Variants in FSTL5 observed in about 807,000 individuals in gnomAD.
FSTL5 encodes the protein follistatin-related protein 5.
FSTL5 carries 62 observed loss-of-function variants against 89.1 expected under a neutral mutation model. The ratio of observed to expected loss-of-function variants is 0.70; its 90% confidence interval spans 0.57 to 0.86. The LOEUF (loss-of-function observed/expected upper bound fraction) is 0.86, where lower values mean the gene tolerates loss of function less well. Ranked by LOEUF, FSTL5 falls within the 40% of genes least tolerant of loss-of-function variation. The pLI is 0.00. For missense variants in FSTL5, 1,057 were observed against 1,001.6 expected (o/e 1.06, Z -0.75); for synonymous variants, 383 against 346.2 (o/e 1.11, Z -1.18).
intron 12 of FSTL5, among the ~76,000 whole-genome samples, chr4:161,488,454 G>A (rs1729752284): frequency 6.6e-6 from 1 of 151,940 alleles, no homozygotes; most frequent in Non-Finnish European, 1.5e-5. Flanking sequence ...CAAAGCTTAT[G>A]ACACTATGCT....
intron 8 of FSTL5, among the ~76,000 whole-genome samples, chr4:161,586,573 C>A (rs1427944489): frequency 6.6e-6 from 1 of 152,140 alleles, no homozygotes; most frequent in East Asian, 1.9e-4. Flanking sequence ...TTTAAGCTAC[C>A]ACTATCTCTT....
At chr4:161,954,857 T>C (rs537557766) in intron 3 of FSTL5, among the ~76,000 whole-genome samples, 2 of 151,696 alleles carry the variant, frequency 1.3e-5, no homozygotes, top group East Asian at 3.9e-4. Flanking sequence ...TCATAATAAA[T>C]TCAGATAATG....
chr4:161,529,684 T>C (rs1731345847), intron 10 of FSTL5, among the ~76,000 whole-genome samples: 1 of 142,304 alleles, frequency 7.0e-6, no homozygotes, highest in Non-Finnish European at 1.5e-5. Flanking sequence ...CATTGATTTA[T>C]TTTTTCCATA....
chr4:161,983,205 G>A (rs1217056421), intron 3 of FSTL5, among the ~76,000 whole-genome samples: 1 of 152,158 alleles, frequency 6.6e-6, no homozygotes. Context: ...ACATTAGAAA[G>A]TGATAGAATA....
chr4:161,870,491 C>G (rs1732230616), intron 4 of FSTL5, among the ~76,000 whole-genome samples: 1 of 152,050 alleles, frequency 6.6e-6, no homozygotes. Flanking sequence ...TTGACCCTGT[C>G]TATTTTATAT....
intron 15 of FSTL5, among the ~76,000 whole-genome samples, chr4:161,446,403 T>G (rs1732948033): frequency 6.6e-6 from 1 of 152,088 alleles, no homozygotes; most frequent in South Asian, 2.1e-4. Flanking sequence ...AGTAGAATGC[T>G]TTCAGAGTTT....
In FSTL5 at chr4:161,628,290, T is replaced by A. The variant is rs1002911315; in HGVS notation, c.894+28038A>T. On this transcript the variant is annotated intron_variant, in intron 7 of 15. Transcript: ENST00000306100. ...ATTGAAAAATCTATAATCTCTATAT[T>A]TTTACTTGTGTAGATTATTCTAGTT... Among the ~76,000 whole-genome samples the A allele has an allele frequency of 1.9e-4, 29 of 152,268 alleles. 1 individual carries two copies. The highest frequency in any genetic ancestry group is 3.7e-4 in the Non-Finnish European group (25 of 68,006).
chr4:162,077,518 A>C (rs1005096181), intron 2 of FSTL5, among the ~76,000 whole-genome samples: 21 of 151,958 alleles, frequency 1.4e-4, no homozygotes, highest in Non-Finnish European at 2.8e-4. Context: ...CTTACTCCTC[A>C]GTGTCAGATC....
chr4:161,952,968 A>G (rs1737207166), intron 3 of FSTL5, among the ~76,000 whole-genome samples: 1 of 151,792 alleles, frequency 6.6e-6, no homozygotes, highest in South Asian at 2.1e-4. Flanking sequence ...ATTAAATTAT[A>G]TGATCATTTA....
chr4:161,621,077 A>G (rs1735103816), intron 7 of FSTL5, among the ~76,000 whole-genome samples: 2 of 152,314 alleles, frequency 1.3e-5, no homozygotes, highest in South Asian at 2.1e-4. Context: ...TGGAGAAAAC[A>G]TACTCTTGCA....
In FSTL5 at chr4:161,557,732, T is replaced by C. The variant is rs1732440991; in HGVS notation, c.1016-15039A>G. On this transcript the variant is annotated intron_variant, in intron 8 of 15. Transcript: ENST00000306100. ...TTATCATACTATCATACTGTGAAATTTTATTAAACAACAAAAAAGAATGAG... is the reference window on the plus strand; with the variant it reads ...TTATCATACTATCATACTGTGAAATCTTATTAAACAACAAAAAAGAATGAG... Among the ~76,000 whole-genome samples the C allele has an allele frequency of 2.0e-5, 3 of 151,726 alleles. No homozygotes were observed. The South Asian group carries it at 6.2e-4, about 31-fold the overall frequency.
At chr4:161,438,409 A>T (rs973934590) in intron 15 of FSTL5, among the ~76,000 whole-genome samples, 1 of 152,126 alleles carries the variant, frequency 6.6e-6, no homozygotes, top group African/African-American at 2.4e-5. Context: ...AGCTCATTGT[A>T]CTAGATGCAC....
chr4:161,398,992 TA>T (rs1017537896), intron 15 of FSTL5, among the ~76,000 whole-genome samples: 1 of 152,044 alleles, frequency 6.6e-6, no homozygotes, highest in Admixed American at 6.6e-5. Flanking sequence ...GAATACACGT[TA>T]AAAAATGTTT....
At chr4:161,511,738 A>C (rs569044025) in intron 10 of FSTL5, among the ~76,000 whole-genome samples, 1 of 152,144 alleles carries the variant, frequency 6.6e-6, no homozygotes, top group Non-Finnish European at 1.5e-5. Context: ...ATAGGAGGAA[A>C]GAGAACATTG....
intron 4 of FSTL5, among the ~76,000 whole-genome samples, chr4:161,837,894 T>C (rs1450028835): frequency 6.6e-6 from 1 of 152,146 alleles, no homozygotes; most frequent in Non-Finnish European, 1.5e-5. Context: ...ATAAAATATA[T>C]ATACTTGACT....
chr4:161,492,807 C>T (rs373377122), intron 12 of FSTL5, among the ~76,000 whole-genome samples: 6 of 151,938 alleles, frequency 3.9e-5, no homozygotes, highest in East Asian at 3.9e-4. Flanking sequence ...ATAATTCTTT[C>T]TTAATTTCCA....
chr4:161,921,483 A>C (rs905241075), intron 3 of FSTL5, among the ~76,000 whole-genome samples: 7 of 152,112 alleles, frequency 4.6e-5, no homozygotes, highest in African/African-American at 1.7e-4. Context: ...AATGGCAGTA[A>C]ATTGAATATA....
In FSTL5 at chr4:161,973,120, C is replaced by T. The variant is rs532950145; in HGVS notation, c.161-52468G>A. On this transcript the variant is annotated intron_variant, in intron 3 of 15. Coordinates refer to ENST00000306100, the MANE Select transcript of FSTL5 (RefSeq NM_020116.5). ...TGTTTTTCTTCAGATTCCCTTATTACTTATGAAATCACTATTTGATGATGA... is the reference window on the plus strand; with the variant it reads ...TGTTTTTCTTCAGATTCCCTTATTATTTATGAAATCACTATTTGATGATGA... Among the ~76,000 whole-genome samples the T allele has an allele frequency of 7.9e-5, 12 of 152,228 alleles. No individual in the cohort carries two copies. The East Asian group carries it at 2.3e-3, about 29-fold the overall frequency.
chr4:161,466,178 G>A (rs1156630452), intron 13 of FSTL5, among the ~76,000 whole-genome samples: 1 of 152,086 alleles, frequency 6.6e-6, no homozygotes. Context: ...ATTGTTGAAG[G>A]ATACTCAATT....
Sources: gnomAD v4.1 joint callset for allele counts (sites outside exome capture counted in the v4.1 genomes callset) on GRCh38, gnomAD v4.1.1 for gene constraint, MANE v1.5 for transcripts, NCBI Gene and HGNC (gene_info 2026-07-23, HGNC 2026-07-21) for gene names.